Variants in ZBTB46 observed in about 807,000 individuals in gnomAD.
ZBTB46 encodes the protein zinc finger and BTB domain-containing protein 46.
A neutral mutation model predicts 44.1 loss-of-function variants in ZBTB46; 8 were observed. That is an observed-to-expected ratio of 0.18 (90% CI 0.11 to 0.33). The LOEUF (loss-of-function observed/expected upper bound fraction) is 0.33, where lower values mean the gene tolerates loss of function less well. Ranked by LOEUF, ZBTB46 falls within the 10% of genes least tolerant of loss-of-function variation. ZBTB46 has a pLI of 1.00. For synonymous variants in ZBTB46, 409 were observed against 382.3 expected (o/e 1.07, Z -0.81); for missense variants, 651 against 847.7 (o/e 0.77, Z 2.88).
chr20:63,768,127 G>A (rs374895975), intron 3 of ZBTB46: 2 of 985,384 alleles, frequency 2.0e-6, no homozygotes, highest in Non-Finnish European at 2.4e-6. Context: ...ATCTGGAAAG[G>A]AAGACTGTAA....
intron 4 of ZBTB46, among the ~76,000 whole-genome samples, chr20:63,749,999 A>C (rs2092145666): frequency 2.0e-5 from 3 of 152,338 alleles, no homozygotes; most frequent in South Asian, 4.1e-4. Context: ...CCACCCTCCA[A>C]ATGTGGCCCT....
chr20:63,783,138 C>A (rs1039860731), intron 2 of ZBTB46, among the ~76,000 whole-genome samples: 2 of 151,050 alleles, frequency 1.3e-5, no homozygotes, highest in East Asian at 2.0e-4. Context: ...TTAAAAAAAA[C>A]AAAAAACACA....
intron 3 of ZBTB46, among the ~76,000 whole-genome samples, chr20:63,759,707 C>CGTCT (rs762225862): frequency 2.0e-5 from 3 of 152,084 alleles, no homozygotes; most frequent in Non-Finnish European, 4.4e-5. Context: ...TGACGATGGG[C>CGTCT]GTCTGTGTAT....
chr20:63,744,448 C>T lies in ZBTB46; in HGVS notation c.*2482G>A, dbSNP rs1271985822. 1 of 152,396 alleles carries T rather than the reference C, an allele frequency of 6.6e-6. No individual in the cohort carries two copies. Among genetic ancestry groups the T allele is most frequent in the Admixed American group, 6.5e-5 (1 of 15,298 alleles). The allele number at this position is 152,396 out of a possible 1,614,324, so 9.4% of individuals were successfully genotyped here. The stretch of plus-strand genomic sequence containing the variant: ...CATCCCCAATGGACTGTATTTCCCA[C>T]TTTGGTGTTGTAAACACCAAAATAC... On this transcript the variant is annotated 3_prime_UTR_variant, in exon 5 of 5. Transcript: ENST00000245663.
At chr20:63,784,854 T>G (rs1456468425) in intron 2 of ZBTB46, among the ~76,000 whole-genome samples, 1 of 152,142 alleles carries the variant, frequency 6.6e-6, no homozygotes, top group African/African-American at 2.4e-5. Context: ...GGCCTCAGGG[T>G]CACCAGGGGC....
intron 1 of ZBTB46, among the ~76,000 whole-genome samples, chr20:63,827,002 C>A (rs2092822950): frequency 6.6e-6 from 1 of 152,168 alleles, no homozygotes; most frequent in Non-Finnish European, 1.5e-5. Context: ...GCGGGTGGAT[C>A]TCCGAGTGGA....
Position 63,744,128 on chromosome 20 carries a change from CCATT to C in ZBTB46, c.*2798_*2801del, listed in dbSNP as rs1555834021. The C allele has an allele frequency of 6.6e-6, 1 of 152,252 alleles. No homozygotes were observed. The highest frequency in any genetic ancestry group is 1.5e-5 in the Non-Finnish European group (1 of 68,036). The allele number at this position is 152,252 out of a possible 1,614,324, so 9.4% of individuals were successfully genotyped here. On this transcript the variant is annotated 3_prime_UTR_variant, in exon 5 of 5. Transcript: ENST00000245663. ...ATATAAGATCTAAAAAAAACCACCA[CCATT>C]AAGTATGGCTTTCTTAAGAGTCGCA...
At chr20:63,778,891 C>T (rs761935081) in intron 2 of ZBTB46, among the ~76,000 whole-genome samples, 3 of 152,172 alleles carry the variant, frequency 2.0e-5, no homozygotes, top group Admixed American at 6.5e-5. Flanking sequence ...GGCTTAACAA[C>T]GAAAATTAGT....
rs12625387 is a variant in ZBTB46 at position 63,747,011 on chromosome 20, C to T, written c.1689G>A (p.Ala563=). ...GCGAGTCTTCCTCATCCTTGTCGTC[C>T]GCCAACAGCGCATCCTCAGGGGCCA... ...EGLAPEDALL[A]DDKDEEDSPR... The change falls in exon 5 of 5, where the codon GCG becomes GCA. Residue 563 remains alanine, a synonymous_variant. Coordinates refer to ENST00000245663, the MANE Select transcript of ZBTB46 (RefSeq NM_001369741.1). 547,761 of 1,607,532 alleles carry T rather than the reference C, an allele frequency of 0.34. 96,534 individuals are homozygous for T. Among genetic ancestry groups the T allele is most frequent in the Admixed American group, 0.45 (27,229 of 59,944 alleles).
chr20:63,791,974 C>T lies in ZBTB46; in HGVS notation c.-33-1184G>A, dbSNP rs570778998. Among the ~76,000 whole-genome samples, 11 of 152,318 alleles carry T rather than the reference C, an allele frequency of 7.2e-5. No individual in the cohort carries two copies. The East Asian group carries it at 1.5e-3, about 21-fold the overall frequency. ...ATGTCGGCCGAGCTGGTGCCTGTTCCAGCCCCTCCCCCAGCCGGCGTTCTG... is the reference window on the plus strand; with the variant it reads ...ATGTCGGCCGAGCTGGTGCCTGTTCTAGCCCCTCCCCCAGCCGGCGTTCTG... On this transcript the variant is annotated intron_variant, in intron 1 of 4. Transcript: ENST00000245663.
chr20:63,761,145 C>T (rs935683977), intron 3 of ZBTB46, among the ~76,000 whole-genome samples: 1 of 149,582 alleles, frequency 6.7e-6, no homozygotes, highest in African/African-American at 2.4e-5. Context: ...ATTACAGGCA[C>T]CCACCACCAT....
At chr20:63,806,428 G>C (rs78265958) in intron 1 of ZBTB46, among the ~76,000 whole-genome samples, 9 of 143,206 alleles carry the variant, frequency 6.3e-5, no homozygotes, top group Admixed American at 4.2e-4. Flanking sequence ...AAAAAAGAAA[G>C]AAAAGAAAGC....
intron 2 of ZBTB46, among the ~76,000 whole-genome samples, chr20:63,780,094 A>G (rs1461196799): frequency 6.6e-6 from 1 of 150,616 alleles, no homozygotes; most frequent in Non-Finnish European, 1.5e-5. Flanking sequence ...AGCCCGGTGA[A>G]ACCCCGTCTC....
At chr20:63,819,164 CTCTG>C (rs111283062) in intron 1 of ZBTB46, among the ~76,000 whole-genome samples, 18 of 152,258 alleles carry the variant, frequency 1.2e-4, no homozygotes, top group East Asian at 7.7e-4. Context: ...CAGAGTGAGA[CTCTG>C]TCTGAGAAGA....
At chr20:63,769,438 G>A (rs1282975925) in intron 3 of ZBTB46, 51 of 985,294 alleles carry the variant, frequency 5.2e-5, no homozygotes, top group Non-Finnish European at 6.1e-5. Context: ...CCAGCTGCTG[G>A]GTTCTAGAGA....
chr20:63,803,292 C>T lies in ZBTB46; in HGVS notation c.-33-12502G>A. 5.1e-6 allele frequency: 5 copies of T among 984,092 alleles called. No individual in the cohort carries two copies. Among genetic ancestry groups the T allele is most frequent in the Non-Finnish European group, 6.0e-6 (5 of 828,658 alleles). The allele number at this position is 984,092 out of a possible 1,614,324, so 61.0% of individuals were successfully genotyped here. On this transcript the variant is annotated intron_variant, in intron 1 of 4. Coordinates refer to ENST00000245663, the MANE Select transcript of ZBTB46 (RefSeq NM_001369741.1). The surrounding 1 kb of genome is among the most constrained non-coding windows in gnomAD (Gnocchi z 4.0). ...AAAAATTAAGGTTAAGACATGAATA[C>T]TGTGAAACTGTCGTACAAATTAAAT... is the stretch of plus-strand genomic sequence containing the variant.
At chr20:63,784,072 G>A (rs1218668463) in intron 2 of ZBTB46, among the ~76,000 whole-genome samples, 1 of 152,200 alleles carries the variant, frequency 6.6e-6, no homozygotes, top group African/African-American at 2.4e-5. Context: ...AGACCGTGGT[G>A]GGGGTCCTCC....
At chr20:63,770,679 C>T (rs944519556) in intron 3 of ZBTB46, among the ~76,000 whole-genome samples, 1 of 150,224 alleles carries the variant, frequency 6.7e-6, no homozygotes, top group East Asian at 2.3e-4. Flanking sequence ...CATTTTTGTG[C>T]AGAATTGCCA....
rs2092848919 is a variant in ZBTB46 at position 63,831,126 on chromosome 20, G to C, written c.-63C>G. 2.8e-5 allele frequency: 4 copies of C among 141,922 alleles called. No individual in the cohort carries two copies. The South Asian group carries it at 8.6e-4, about 30-fold the overall frequency. 8.8% of individuals were successfully genotyped at this position (141,922 alleles called of 1,614,324 possible). A position where few individuals can be genotyped will look rare whatever the true frequency, so the allele number is the denominator to read the frequency against. ...GACCCCATGGGGCGCGGGCGAGGGC[G>C]GGCGCCGCGGCCGCCGGGCCGGCGC... On this transcript the variant is annotated 5_prime_UTR_variant, in exon 1 of 5. Transcript: ENST00000245663.
Sources: allele counts gnomAD v4.1 joint callset (sites outside exome capture counted in the v4.1 genomes callset), GRCh38; gene constraint gnomAD v4.1.1; non-coding constraint Gnocchi (gnomAD v3.1); transcripts MANE v1.5; gene names NCBI Gene and HGNC (gene_info 2026-07-23, HGNC 2026-07-21).